INPP1: variants seen among roughly 807,000 people sequenced by gnomAD.
INPP1 encodes the protein inositol polyphosphate-1-phosphatase.
A neutral mutation model predicts 23.0 loss-of-function variants in INPP1; 18 were observed. That is an observed-to-expected ratio of 0.78 (90% CI 0.54 to 1.16). The LOEUF is 1.16. Among genes scored for constraint, INPP1 ranks in the 50% most tolerant of loss-of-function variants. The probability of loss-of-function intolerance (pLI) is 0.00; values close to 1 mark genes in which losing one functional copy is unlikely to be tolerated. For missense variants in INPP1, 448 were observed against 482.1 expected, an observed-to-expected ratio of 0.93 and a Z score of 0.66; for synonymous variants, 164 against 176.3, an observed-to-expected ratio of 0.93 and a Z score of 0.55.
At chr2:190,349,725 A>G (rs1206484616) in intron 2 of INPP1, among the ~76,000 whole-genome samples, 1 of 129,264 alleles carries the variant, frequency 7.7e-6, no homozygotes, top group African/African-American at 3.0e-5. Context: ...CATATACTGT[A>G]GTTGGAACAC....
At chr2:190,364,554 A>T (rs186211516) in intron 4 of INPP1, among the ~76,000 whole-genome samples, 84,739 of 138,828 alleles carry the variant, frequency 0.61, 26,502 homozygotes, top group East Asian at 0.75. Flanking sequence ...AAAAAAAAAA[A>T]ATTTCAGTAG....
At chr2:190,347,535 TG>T (rs1348143820) in intron 1 of INPP1, among the ~76,000 whole-genome samples, 1 of 151,658 alleles carries the variant, frequency 6.6e-6, no homozygotes, top group Non-Finnish European at 1.5e-5. Flanking sequence ...TCTCCTTTTT[TG>T]GGGGGGGATG....
rs2124909101 is a variant in INPP1, at chr2:190,345,937, T to C, written c.-209+1976T>C. ...GGAACCTAGGAATCAGAGGTTGCAG[T>C]GAGCCCAGATCGCGCCACTGCACTC... On this transcript the variant is annotated intron_variant, in intron 1 of 6. Coordinates refer to ENST00000392329, the MANE Select transcript of INPP1 (RefSeq NM_001128928.2). The surrounding 1 kb of genome is among the most constrained non-coding windows in gnomAD (Gnocchi z 4.9). Among the ~76,000 whole-genome samples the C allele has an allele frequency of 6.6e-6, 1 of 152,338 alleles. No homozygotes were observed. Among genetic ancestry groups the C allele is most frequent in the Middle Eastern group, 3.4e-3 (1 of 294 alleles).
chr2:190,360,083 C>A lies in INPP1; in HGVS notation c.-20C>A. The A allele has an allele frequency of 6.2e-7, 1 of 1,610,228 alleles. No homozygotes were observed. The highest frequency in any genetic ancestry group is 2.2e-5 in the East Asian group (1 of 44,816). ...GTGCCAATTCCACCAGCAGCTGCAA[C>A]TGAAAAGCAAGGTTCAGAAATGTCA... On this transcript the variant is annotated 5_prime_UTR_variant, in exon 3 of 7. The change creates a new upstream start codon in the 5' untranslated region. Coordinates refer to ENST00000392329, the MANE Select transcript of INPP1 (RefSeq NM_001128928.2).
intron 2 of INPP1, among the ~76,000 whole-genome samples, chr2:190,358,701 T>G (rs752394340): frequency 1.3e-5 from 2 of 152,182 alleles, no homozygotes; most frequent in African/African-American, 4.8e-5. Flanking sequence ...TCTCATGAGA[T>G]AGGAATTTTT....
rs374290896 is a variant in INPP1 at position 190,364,499 on chromosome 2, A to G, written c.265+1812A>G. ...GGAGCTTGCAGTGAGCGGAGATCGC[A>G]CCACTGCACTCCAGCTTGGGTGACA... On this transcript the variant is annotated intron_variant, in intron 4 of 6. Coordinates refer to ENST00000392329, the MANE Select transcript of INPP1 (RefSeq NM_001128928.2). Among the ~76,000 whole-genome samples the G allele has an allele frequency of 5.3e-3, 789 of 149,678 alleles. 11 individuals carry two copies. In the South Asian group the frequency reaches 0.054, roughly 10 times the overall value.
intron 5 of INPP1, 64 bp downstream of exon 5, chr2:190,366,959 T>C (rs111870377): frequency 9.4e-6 from 10 of 1,062,976 alleles, no homozygotes; most frequent in Admixed American, 1.9e-5. Context: ...GGGTTGGGGA[T>C]GGGTGTTGGA....
At chr2:190,370,629 G>C (rs1192485976) in intron 6 of INPP1, among the ~76,000 whole-genome samples, 1 of 152,168 alleles carries the variant, frequency 6.6e-6, no homozygotes, top group Non-Finnish European at 1.5e-5. Flanking sequence ...AAAATTGAAA[G>C]CATTTCTAAT....
chr2:190,370,591 T>A (rs1359036441), intron 6 of INPP1, among the ~76,000 whole-genome samples: 1 of 152,254 alleles, frequency 6.6e-6, no homozygotes, highest in Non-Finnish European at 1.5e-5. Context: ...TGTTTTAGTG[T>A]TGTCCTAGAT....
Position 190,366,970 on chromosome 2 carries a change from A to G in INPP1, c.466+75A>G, listed in dbSNP as rs192420394. On this transcript the variant is annotated intron_variant, in intron 5 of 6. Transcript: ENST00000392329. ...GGTGGGGTTGGGGATGGGTGTTGGAAAAATAAAAATTATTGAGTGTAGTTT... is the reference window on the plus strand; with the variant it reads ...GGTGGGGTTGGGGATGGGTGTTGGAGAAATAAAAATTATTGAGTGTAGTTT... The G allele has an allele frequency of 2.1e-4, 195 of 917,732 alleles. 1 individual carries two copies. The highest frequency in any genetic ancestry group is 4.1e-4 in the Admixed American group (19 of 46,302). The allele number at this position is 917,732 out of a possible 1,614,324, so 56.8% of individuals were successfully genotyped here.
chr2:190,371,328 A>C lies in INPP1; in HGVS notation c.1126A>C (p.Arg376=). 1 of 1,579,168 alleles carries C rather than the reference A, an allele frequency of 6.3e-7. No individual in the cohort carries two copies. The highest frequency in any genetic ancestry group is 8.6e-7 in the Non-Finnish European group (1 of 1,161,700). ...CAACAAGGGAGGACTCATTGCATAC[A>C]GATCCAGGAAGCGGCTGGAGACATT... The part of the protein sequence containing the change: ...WANKGGLIAY[R]SRKRLETFLS... The change falls in exon 7 of 7, where the codon AGA becomes CGA. Residue 376 remains arginine (R), a synonymous_variant. Coordinates refer to ENST00000392329, the MANE Select transcript of INPP1 (RefSeq NM_001128928.2). This position sits in a 1 kb window ranked among gnomAD's most constrained non-coding sequence, Gnocchi z 5.3.
intron 2 of INPP1, among the ~76,000 whole-genome samples, chr2:190,358,548 CTG>C (rs1286083321): frequency 1.3e-5 from 2 of 152,170 alleles, no homozygotes; most frequent in Non-Finnish European, 2.9e-5. Flanking sequence ...ATGAAGGAAA[CTG>C]TATTATGATA....
rs1396862322 is a variant in INPP1 at position 190,368,666 on chromosome 2, T to C, written c.467-437T>C. 2.0e-5 allele frequency: 3 copies of C among 152,424 alleles called. No homozygotes were observed. Among genetic ancestry groups the C allele is most frequent in the Non-Finnish European group, 4.4e-5 (3 of 68,202 alleles). 9.4% of individuals were successfully genotyped at this position (152,424 alleles called of 1,614,324 possible). A position where few individuals can be genotyped will look rare whatever the true frequency, so the allele number is the denominator to read the frequency against. ...ATTTTAAAATGTACAGTTAAGTTCT[T>C]ATTGATTATAGTTACCCTATTGTGC... On this transcript the variant is annotated intron_variant, in intron 5 of 6. Coordinates refer to ENST00000392329, the MANE Select transcript of INPP1 (RefSeq NM_001128928.2). The surrounding 1 kb of genome is among the most constrained non-coding windows in gnomAD (Gnocchi z 4.3).
chr2:190,353,671 G>A (rs533423666), intron 2 of INPP1, among the ~76,000 whole-genome samples: 7 of 152,206 alleles, frequency 4.6e-5, no homozygotes, highest in Non-Finnish European at 8.8e-5. Context: ...TAAAGAGAGA[G>A]TCTCAGAGAG....
At position 190,355,092 on chromosome 2, in the gene INPP1, G is replaced by A. The variant is rs1343649902; in HGVS notation, c.-64-4947G>A. ...GGCTAGAGTACTGGTCAACAGTGGG[G>A]GCTTCTGCCAGCTTGCCTAGGTTTG... On this transcript the variant is annotated intron_variant, in intron 2 of 6. Transcript: ENST00000392329. The surrounding 1 kb of genome is among the most constrained non-coding windows in gnomAD (Gnocchi z 5.1). 6.6e-6 allele frequency among the ~76,000 whole-genome samples: 1 copy of A among 151,984 alleles called. No individual in the cohort carries two copies. Among genetic ancestry groups the A allele is most frequent in the African/African-American group, 2.4e-5 (1 of 41,360 alleles).
At chr2:190,365,045 T>C (rs1689617134) in intron 4 of INPP1, 1 of 167,978 alleles carries the variant, frequency 6.0e-6, no homozygotes. Flanking sequence ...GTTTTCTTAG[T>C]TTTTAAGATT....
rs1689189435 is a variant in INPP1, at chr2:190,345,066, G to A, written c.-209+1105G>A. ...AGAGAACATAAGGGAAAAAATAAAGGCAATGGAAGAATTCATTTTTTCAAT... is the reference window on the plus strand; with the variant it reads ...AGAGAACATAAGGGAAAAAATAAAGACAATGGAAGAATTCATTTTTTCAAT... On this transcript the variant is annotated intron_variant, in intron 1 of 6. Transcript: ENST00000392329. This position sits in a 1 kb window ranked among gnomAD's most constrained non-coding sequence, Gnocchi z 4.9. Among the ~76,000 whole-genome samples, 1 of 152,098 alleles carries A rather than the reference G, an allele frequency of 6.6e-6. No individual in the cohort carries two copies. Among genetic ancestry groups the A allele is most frequent in the Non-Finnish European group, 1.5e-5 (1 of 68,010 alleles).
chr2:190,359,729 A>G (rs978572407), intron 2 of INPP1: 4 of 244,062 alleles, frequency 1.6e-5, no homozygotes, highest in African/African-American at 9.0e-5. Context: ...TGCCTTTAGC[A>G]TTGTGCTTGT....
chr2:190,370,478 AAAAG>A (rs1689778440), intron 6 of INPP1, among the ~76,000 whole-genome samples: 1 of 152,246 alleles, frequency 6.6e-6, no homozygotes, highest in African/African-American at 2.4e-5. Context: ...TTGCAGATCA[AAAAG>A]AGATATCACT....
Sources: allele counts gnomAD v4.1 joint callset (sites outside exome capture counted in the v4.1 genomes callset), GRCh38; gene constraint gnomAD v4.1.1; non-coding constraint Gnocchi (gnomAD v3.1); transcripts MANE v1.5; gene names NCBI Gene and HGNC (gene_info 2026-07-23, HGNC 2026-07-21).